The following PAK2 variants were observed in gnomAD, a reference collection of about 807,000 sequenced individuals.
PAK2 encodes the protein serine/threonine-protein kinase PAK 2.
Under a neutral mutation model 65.9 loss-of-function variants are expected in PAK2, and 21 were observed. The ratio of observed to expected loss-of-function variants is 0.32; its 90% CI spans 0.23 to 0.46. PAK2 has a LOEUF of 0.46. Among genes scored for constraint, PAK2 ranks in the 20% least tolerant of loss-of-function variants. The pLI is 1.00. For missense variants in PAK2, 324 were observed against 642.6 expected (o/e 0.50, Z 5.36); for synonymous variants, 204 against 219.7 (o/e 0.93, Z 0.63).
chr3:196,782,902 C>G (rs1714758609), intron 2 of PAK2, 69 bp downstream of exon 2: 1 of 1,026,174 alleles, frequency 9.7e-7, no homozygotes, highest in Admixed American at 2.3e-5. Context: ...ATGTTGATAA[C>G]TTTTATGGTG....
At chr3:196,811,034 T>TTG (rs1715766669) in intron 8 of PAK2, among the ~76,000 whole-genome samples, 1 of 152,070 alleles carries the variant, frequency 6.6e-6, no homozygotes, top group African/African-American at 2.4e-5. Context: ...TCTGATTTTG[T>TTG]TGTGTAATTT....
At chr3:196,799,625 T>A (rs1715358617) in intron 2 of PAK2, among the ~76,000 whole-genome samples, 1 of 152,202 alleles carries the variant, frequency 6.6e-6, no homozygotes, top group Admixed American at 6.6e-5. Context: ...CCTGGAGGAC[T>A]TTCCAGCCTC....
intron 7 of PAK2, among the ~76,000 whole-genome samples, chr3:196,810,058 G>A (rs1242813601): frequency 6.6e-6 from 1 of 151,902 alleles, no homozygotes; most frequent in Non-Finnish European, 1.5e-5. Flanking sequence ...AAGATGAAAT[G>A]TATACTGGAA....
chr3:196,813,003 A>C, intron 10 of PAK2, 152 bp downstream of exon 10: 1 of 569,714 alleles, frequency 1.8e-6, no homozygotes, highest in Non-Finnish European at 3.2e-6. Flanking sequence ...AGCACAGTGC[A>C]GTTTTAGAAG....
Position 196,832,248 on chromosome 3 carries a change from T to TAC in PAK2, c.*3844_*3845dup. On this transcript the variant is annotated 3_prime_UTR_variant, in exon 15 of 15. Transcript: ENST00000327134. ...GAACAGAAGTAATAAGAGAAACAGTTACGTGTGGAATTCAACATCTTTGGT... is the reference window on the plus strand; with the variant it reads ...GAACAGAAGTAATAAGAGAAACAGTTACACGTGTGGAATTCAACATCTTTGGT... 1 of 152,312 alleles carries TAC rather than the reference T, an allele frequency of 6.6e-6. No homozygotes were observed. The highest frequency in any genetic ancestry group is 2.1e-4 in the South Asian group (1 of 4,832). The allele number at this position is 152,312 out of a possible 1,614,324, so 9.4% of individuals were successfully genotyped here. A position where few individuals can be genotyped will look rare whatever the true frequency, so the allele number is the denominator to read the frequency against.
At position 196,828,599 on chromosome 3, in the gene PAK2, C is replaced by T. The variant is rs1024507274; in HGVS notation, c.*194C>T. 60 of 549,504 alleles carry T rather than the reference C, an allele frequency of 1.1e-4. No individual in the cohort carries two copies. Among genetic ancestry groups the T allele is most frequent in the Middle Eastern group, 5.0e-4 (1 of 1,992 alleles). 34.0% of individuals were successfully genotyped at this position (549,504 alleles called of 1,614,324 possible). ...AGTATGACTTTTATATGAACCCCTTCTTTAGGGTCCAGAAGGAATTGTGGA... is the reference window on the plus strand; with the variant it reads ...AGTATGACTTTTATATGAACCCCTTTTTTAGGGTCCAGAAGGAATTGTGGA... On this transcript the variant is annotated 3_prime_UTR_variant, in exon 15 of 15. Coordinates refer to ENST00000327134, the MANE Select transcript of PAK2 (RefSeq NM_002577.4).
At chr3:196,802,469 TAA>T (rs1476244518) in intron 3 of PAK2, among the ~76,000 whole-genome samples, 1 of 152,212 alleles carries the variant, frequency 6.6e-6, no homozygotes, top group Non-Finnish European at 1.5e-5. Flanking sequence ...TTGCTTTTTA[TAA>T]AAGTGTTAGT....
chr3:196,808,556 T>TAAAAAAAAAA (rs1715664496), intron 7 of PAK2, among the ~76,000 whole-genome samples: 2 of 36,302 alleles, frequency 5.5e-5, no homozygotes, highest in Non-Finnish European at 9.4e-5. Context: ...AGACTCCATC[T>TAAAAAAAAAA]CAAAAAAAAA....
At position 196,762,807 on chromosome 3, in the gene PAK2, A is replaced by AG. The variant is rs1553801448; in HGVS notation, c.-21-19819_-21-19818insG. Among the ~76,000 whole-genome samples the AG allele has an allele frequency of 9.3e-3, 1,294 of 139,644 alleles. 14 individuals are homozygous for AG. The highest frequency in any genetic ancestry group is 0.031 in the African/African-American group (1,185 of 38,478). The allele number at this position is 139,644 out of a possible 152,430, so 91.6% of individuals were successfully genotyped here. ...TGAAACTCCGTCTCAAAAAAAAAAA[A>AG]AAGAAGAAAAGTTAGAAGCCAGGTG... On this transcript the variant is annotated intron_variant, in intron 1 of 14. Coordinates refer to ENST00000327134, the MANE Select transcript of PAK2 (RefSeq NM_002577.4).
intron 5 of PAK2, 140 bp downstream of exon 5, chr3:196,805,523 C>T: frequency 4.0e-6 from 2 of 502,180 alleles, no homozygotes; most frequent in East Asian, 6.9e-5. Context: ...TTTAGCTAGC[C>T]ACCTGATTAG....
At chr3:196,764,068 C>T (rs987808171) in intron 1 of PAK2, among the ~76,000 whole-genome samples, 2 of 151,352 alleles carry the variant, frequency 1.3e-5, no homozygotes, top group African/African-American at 4.9e-5. Flanking sequence ...TCCGAAAGTG[C>T]TGGGATTACA....
intron 11 of PAK2, among the ~76,000 whole-genome samples, 183 bp downstream of exon 11, chr3:196,814,751 G>C (rs1456399501): frequency 6.6e-6 from 1 of 152,072 alleles, no homozygotes; most frequent in Non-Finnish European, 1.5e-5. Context: ...CTTTCCTTCA[G>C]GTATAAGATA....
Position 196,780,069 on chromosome 3 carries a change from G to T in PAK2, c.-21-2557G>T, listed in dbSNP as rs114702850. On this transcript the variant is annotated intron_variant, in intron 1 of 14. Transcript: ENST00000327134. ...ACTTAGGAATAGCCAGCTGCATGCT[G>T]CTTGCATCCTACCCCAAAACAAAAC... Among the ~76,000 whole-genome samples, 1,421 of 152,328 alleles carry T rather than the reference G, an allele frequency of 9.3e-3. 24 individuals carry two copies. Among genetic ancestry groups the T allele is most frequent in the African/African-American group, 0.032 (1,310 of 41,562 alleles).
At chr3:196,763,629 A>G (rs1380650288) in intron 1 of PAK2, among the ~76,000 whole-genome samples, 1 of 152,186 alleles carries the variant, frequency 6.6e-6, no homozygotes, top group Non-Finnish European at 1.5e-5. Flanking sequence ...TATTTGAGAA[A>G]GAGCTTAGAA....
chr3:196,762,863 T>G (rs1267581510), intron 1 of PAK2, among the ~76,000 whole-genome samples: 1 of 151,382 alleles, frequency 6.6e-6, no homozygotes, highest in Non-Finnish European at 1.5e-5. Context: ...GCAAGTACCA[T>G]ATGGATGGAT....
chr3:196,828,188 GT>G (rs1487742973), intron 14 of PAK2, 130 bp from the exon 15 acceptor site: 13 of 642,634 alleles, frequency 2.0e-5, no homozygotes, highest in African/African-American at 3.7e-5. Flanking sequence ...TCTTATGAAG[GT>G]ATTAATATGT....
chr3:196,810,722 T>C, intron 8 of PAK2, 69 bp downstream of exon 8: 1 of 827,316 alleles, frequency 1.2e-6, no homozygotes, highest in Non-Finnish European at 2.1e-6. Flanking sequence ...AGCATGATGT[T>C]TATTTTGCCT....
intron 4 of PAK2, among the ~76,000 whole-genome samples, chr3:196,803,832 G>T (rs539297361): frequency 6.6e-6 from 1 of 152,172 alleles, no homozygotes; most frequent in African/African-American, 2.4e-5. Flanking sequence ...GAGATATACC[G>T]TTAACCTATG....
intron 1 of PAK2, among the ~76,000 whole-genome samples, chr3:196,763,101 C>T (rs539554389): frequency 6.6e-6 from 1 of 152,258 alleles, no homozygotes; most frequent in Non-Finnish European, 1.5e-5. Context: ...TATTCCTTTT[C>T]CCAGAGCTGA....
Sources: gnomAD v4.1 joint callset for allele counts (sites outside exome capture counted in the v4.1 genomes callset) on GRCh38, gnomAD v4.1.1 for gene constraint, MANE v1.5 for transcripts, NCBI Gene and HGNC (gene_info 2026-07-23, HGNC 2026-07-21) for gene names.